The following CNTN5 variants were observed in gnomAD, a reference collection of about 807,000 sequenced individuals.
CNTN5 encodes contactin-5.
In CNTN5, 77 loss-of-function variants were observed where a neutral mutation model predicts 129.1. That is an observed-to-expected ratio of 0.60 (90% CI 0.50 to 0.72). The LOEUF is 0.72. Among genes scored for constraint, CNTN5 ranks in the 30% least tolerant of loss-of-function variants. The pLI is 0.00. For synonymous variants in CNTN5, 509 were observed against 465.6 expected (o/e 1.09, Z -1.20); for missense variants, 1,478 against 1,328.8 (o/e 1.11, Z -1.75).
At chr11:99,507,274 G>A (rs1054339191) in intron 2 of CNTN5, among the ~76,000 whole-genome samples, 2 of 151,522 alleles carry the variant, frequency 1.3e-5, no homozygotes, top group Non-Finnish European at 2.9e-5. Context: ...CTACTCGGGA[G>A]GCTGAGGCAG....
intron 21 of CNTN5, among the ~76,000 whole-genome samples, chr11:100,331,948 C>G (rs114976864): frequency 0.028 from 4,301 of 151,854 alleles, 190 homozygotes; most frequent in African/African-American, 0.096. Context: ...AAAAACAATC[C>G]AAACCCACAT....
At chr11:99,264,140 A>T (rs1424331967) in intron 1 of CNTN5, among the ~76,000 whole-genome samples, 1 of 151,806 alleles carries the variant, frequency 6.6e-6, no homozygotes, top group African/African-American at 2.4e-5. Flanking sequence ...ACTCATGCTC[A>T]CAGGATACCT....
chr11:99,633,475 A>G (rs1204676490), intron 3 of CNTN5, among the ~76,000 whole-genome samples: 1 of 152,212 alleles, frequency 6.6e-6, no homozygotes, highest in African/African-American at 2.4e-5. Context: ...ATTGCGATAC[A>G]TATTTATCAA....
At chr11:99,640,306 A>G (rs1951724547) in intron 3 of CNTN5, among the ~76,000 whole-genome samples, 1 of 152,208 alleles carries the variant, frequency 6.6e-6, no homozygotes. Flanking sequence ...ATTCATATAC[A>G]AAACTGGGAA....
At chr11:100,072,165 T>A (rs543413137) in intron 12 of CNTN5, among the ~76,000 whole-genome samples, 12 of 152,268 alleles carry the variant, frequency 7.9e-5, no homozygotes, top group African/African-American at 2.6e-4. Context: ...GGGTAGGAGA[T>A]CAGAATATAG....
At chr11:99,851,094 G>T (rs1024211103) in intron 6 of CNTN5, among the ~76,000 whole-genome samples, 1 of 151,390 alleles carries the variant, frequency 6.6e-6, no homozygotes, top group African/African-American at 2.4e-5. Context: ...CCCCCAACCT[G>T]CCTCATGGGC....
intron 3 of CNTN5, among the ~76,000 whole-genome samples, chr11:99,588,923 A>G (rs765227956): frequency 2.6e-5 from 4 of 152,186 alleles, no homozygotes; most frequent in Non-Finnish European, 4.4e-5. Context: ...TGGAAAAGTA[A>G]TTAATTATAT....
At chr11:99,718,320 T>C (rs1051796029) in intron 3 of CNTN5, among the ~76,000 whole-genome samples, 1 of 152,196 alleles carries the variant, frequency 6.6e-6, no homozygotes, top group African/African-American at 2.4e-5. Flanking sequence ...ATGCACTTTT[T>C]GACTAACTTG....
chr11:99,383,322 C>A (rs1940717447), intron 2 of CNTN5, among the ~76,000 whole-genome samples: 1 of 152,000 alleles, frequency 6.6e-6, no homozygotes, highest in Admixed American at 6.6e-5. Flanking sequence ...CAGACTGGTC[C>A]CATATGTCTA....
chr11:99,819,774 C>G lies in CNTN5; in HGVS notation c.277+9C>G, dbSNP rs200104715. 9.7e-5 allele frequency: 12 copies of G among 124,278 alleles called. No individual in the cohort carries two copies. The highest frequency in any genetic ancestry group is 2.0e-4 in the African/African-American group (1 of 4,978). 7.7% of individuals were successfully genotyped at this position (124,278 alleles called of 1,614,324 possible). A position where few individuals can be genotyped will look rare whatever the true frequency, so the allele number is the denominator to read the frequency against. On this transcript the variant is annotated intron_variant, in intron 4 of 24. Transcript: ENST00000524871. ...TGCCTTCAAACAAGATGGTAAGTGT[C>G]AAAGGAAAATGGCTCCAGATAGAAT...
At chr11:99,790,257 G>T (rs543571463) in intron 3 of CNTN5, among the ~76,000 whole-genome samples, 1 of 151,978 alleles carries the variant, frequency 6.6e-6, no homozygotes, top group Non-Finnish European at 1.5e-5. Context: ...TAGGAGTTTG[G>T]TTTACAGATT....
In CNTN5 at chr11:100,061,291, C is replaced by A. The variant is rs200224105; in HGVS notation, c.1060C>A (p.Leu354Met). The A allele has an allele frequency of 9.7e-5, 157 of 1,613,494 alleles. No individual in the cohort carries two copies. Among genetic ancestry groups the A allele is most frequent in the Middle Eastern group, 3.3e-4 (2 of 6,080 alleles). ...ACGTCTGCGGAAATCTCAGGCGGTGCTGGAAATACCGAATGTACAGCTGGA... is the reference window on the plus strand; with the variant it reads ...ACGTCTGCGGAAATCTCAGGCGGTGATGGAAATACCGAATGTACAGCTGGA... ...KARLRKSQAV[L>M]EIPNVQLDDA... Residue 354 changes from leucine to methionine, a missense_variant, in exon 10 of 25, where the codon CTG (leucine) becomes ATG (methionine). Physicochemically the swap from Leu to Met is conservative, Grantham distance 15. Transcript: ENST00000524871.
At chr11:99,128,098 C>T (rs1858736423) in intron 1 of CNTN5, among the ~76,000 whole-genome samples, 1 of 152,194 alleles carries the variant, frequency 6.6e-6, no homozygotes, top group South Asian at 2.1e-4. Context: ...GAACTGTCCA[C>T]TGTCATGGAA....
chr11:99,786,338 G>A (rs914440442), intron 3 of CNTN5, among the ~76,000 whole-genome samples: 2 of 151,856 alleles, frequency 1.3e-5, no homozygotes, highest in South Asian at 2.1e-4. Context: ...ACAAACCGCT[G>A]CTCAAGGAAA....
At chr11:100,199,792 T>C (rs996350089) in intron 15 of CNTN5, among the ~76,000 whole-genome samples, 1 of 152,006 alleles carries the variant, frequency 6.6e-6, no homozygotes, top group Non-Finnish European at 1.5e-5. Context: ...TTCTATAATA[T>C]TTCATGTATT....
intron 17 of CNTN5, among the ~76,000 whole-genome samples, chr11:100,256,636 G>T (rs993012371): frequency 6.6e-6 from 1 of 152,076 alleles, no homozygotes; most frequent in Non-Finnish European, 1.5e-5. Flanking sequence ...GACAGTGGGT[G>T]CAGCCCATGG....
intron 3 of CNTN5, among the ~76,000 whole-genome samples, chr11:99,672,035 C>T (rs146185354): frequency 1.4e-4 from 22 of 152,264 alleles, no homozygotes; most frequent in African/African-American, 4.6e-4. Context: ...TGCTAATCAG[C>T]GGTATCCAAA....
intron 10 of CNTN5, among the ~76,000 whole-genome samples, chr11:100,069,231 C>T (rs1011444541): frequency 1.4e-4 from 21 of 152,122 alleles, no homozygotes; most frequent in African/African-American, 4.8e-4. Flanking sequence ...CGGCTCAGTG[C>T]AGCTTCAACC....
chr11:99,252,641 G>A (rs1202936621), intron 1 of CNTN5, among the ~76,000 whole-genome samples: 1 of 151,860 alleles, frequency 6.6e-6, no homozygotes. Flanking sequence ...TTCATTTGGT[G>A]AGCATAAAAT....
Sources: gnomAD v4.1 joint callset for allele counts (sites outside exome capture counted in the v4.1 genomes callset) on GRCh38, gnomAD v4.1.1 for gene constraint, MANE v1.5 for transcripts, NCBI Gene and HGNC (gene_info 2026-07-23, HGNC 2026-07-21) for gene names.